ITPR3: variants seen among roughly 807,000 people sequenced by gnomAD.
The protein encoded by ITPR3 is inositol 1,4,5-trisphosphate-gated calcium channel ITPR3.
ITPR3 carries 173 observed loss-of-function variants against 293.2 expected under a neutral mutation model. That is an observed-to-expected ratio of 0.59 (90% CI 0.52 to 0.67). The LOEUF (loss-of-function observed/expected upper bound fraction) is 0.67, where lower values mean the gene tolerates loss of function less well. Among genes scored for constraint, ITPR3 ranks in the 30% least tolerant of loss-of-function variants. The pLI, the probability that ITPR3 is intolerant of heterozygous loss-of-function variation, is 0.00. For missense variants in ITPR3, 2,796 were observed against 3,592.1 expected (o/e 0.78, Z 5.66); for synonymous variants, 1,295 against 1,444.4 (o/e 0.90, Z 2.35).
At position 33,684,868 on chromosome 6, in the gene ITPR3, C is replaced by G; in HGVS notation, c.5232C>G (p.Thr1744=). 6.2e-7 allele frequency: 1 copy of G among 1,614,136 alleles called. No individual in the cohort carries two copies. Among genetic ancestry groups the G allele is most frequent in the Non-Finnish European group, 8.5e-7 (1 of 1,180,018 alleles). The stretch of plus-strand genomic sequence containing the variant: ...TGGTATGCGACCTCATCACCAGCAC[C>G]AAGAACGAGAAGATCTTCCAGGAGA... ...TKLVCDLITS[T]KNEKIFQESI... The change falls in exon 39 of 58, where the codon ACC becomes ACG. Residue 1744 remains threonine, a synonymous_variant. Transcript: ENST00000605930. This position sits in a 1 kb window ranked among gnomAD's most constrained non-coding sequence, Gnocchi z 4.2.
chr6:33,643,569 C>T (rs1004011782), intron 2 of ITPR3, among the ~76,000 whole-genome samples: 1 of 152,208 alleles, frequency 6.6e-6, no homozygotes, highest in African/African-American at 2.4e-5. Context: ...TGCCGTGAGT[C>T]CCGAGCTGCT....
rs41271253 is a variant in ITPR3, at chr6:33,680,094, C to T, written c.4185C>T (p.Asp1395=). 4.6e-3 allele frequency: 7,362 copies of T among 1,613,558 alleles called. 151 individuals are homozygous for T. The African/African-American group carries it at 0.059, about 13-fold the overall frequency. ...GCACCTCCCTGCTGCCGCTGGAGGA[C>T]GTGGTGTCTGTGGTGACGCATGAGG... ...IKCTSLLPLE[D]VVSVVTHEDC... Residue 1395 remains aspartate, a synonymous_variant, in exon 31 of 58, where the codon GAC becomes GAT. Coordinates refer to ENST00000605930, the MANE Select transcript of ITPR3 (RefSeq NM_002224.4).
In ITPR3 at chr6:33,678,830, C is replaced by A. The variant is rs1192918614; in HGVS notation, c.3963C>A (p.Ile1321=). Residue 1321 remains isoleucine, a synonymous_variant, in exon 30 of 58, where the codon ATC becomes ATA. Coordinates refer to ENST00000605930, the MANE Select transcript of ITPR3 (RefSeq NM_002224.4). Reference sequence around the variant, plus strand: ...ACGTCAAGAAGTGCCAGGACATGATCATGACTGAGGTGAGGGCGGGGCTGA... The same window carrying A: ...ACGTCAAGAAGTGCCAGGACATGATAATGACTGAGGTGAGGGCGGGGCTGA... ...GKYVKKCQDM[I]MTELTNAGDD... The A allele has an allele frequency of 2.5e-6, 4 of 1,612,400 alleles. No individual in the cohort carries two copies. The highest frequency in any genetic ancestry group is 1.3e-5 in the African/African-American group (1 of 74,812).
rs1266675797 is a variant in ITPR3, at chr6:33,675,056, T to C, written c.3117-635T>C. On this transcript the variant is annotated intron_variant, in intron 24 of 57. Transcript: ENST00000605930. This position sits in a 1 kb window ranked among gnomAD's most constrained non-coding sequence, Gnocchi z 5.0. ...GGAAAAATAAAGATGTAACATTTTCTCCATCTCTGTTCATGGGCCCCGCTT... is the reference window on the plus strand; with the variant it reads ...GGAAAAATAAAGATGTAACATTTTCCCCATCTCTGTTCATGGGCCCCGCTT... Among the ~76,000 whole-genome samples the C allele has an allele frequency of 6.6e-6, 1 of 152,196 alleles. No individual in the cohort carries two copies. The highest frequency in any genetic ancestry group is 1.5e-5 in the Non-Finnish European group (1 of 68,028).
Position 33,665,821 on chromosome 6 carries a change from G to A in ITPR3, c.1410-14G>A. ...GGTATCTCACACTCGTCATCCCCGG[G>A]TCCCCTCACCCAGGTTTGTCATCCA... On this transcript the variant is annotated splice_polypyrimidine_tract_variant and intron_variant, in intron 13 of 57. Coordinates refer to ENST00000605930, the MANE Select transcript of ITPR3 (RefSeq NM_002224.4). 1.9e-6 allele frequency: 3 copies of A among 1,613,590 alleles called. No individual in the cohort carries two copies. The highest frequency in any genetic ancestry group is 2.5e-6 in the Non-Finnish European group (3 of 1,179,554).
rs907736797 is a variant in ITPR3, at chr6:33,624,637, T to G, written c.89+2946T>G. On this transcript the variant is annotated intron_variant, in intron 1 of 57. Transcript: ENST00000605930. The surrounding 1 kb of genome is among the most constrained non-coding windows in gnomAD (Gnocchi z 4.7). ...TCCCCTCTGCTTTTCCCGAGGCTGTTGGTGCCCATGTCTGTGAACCCATAG... is the reference window on the plus strand; with the variant it reads ...TCCCCTCTGCTTTTCCCGAGGCTGTGGGTGCCCATGTCTGTGAACCCATAG... Among the ~76,000 whole-genome samples, 1 of 152,260 alleles carries G rather than the reference T, an allele frequency of 6.6e-6. No individual in the cohort carries two copies. The highest frequency in any genetic ancestry group is 2.4e-5 in the African/African-American group (1 of 41,472).
chr6:33,688,120 G>A lies in ITPR3; in HGVS notation c.6328G>A (p.Glu2110Lys), dbSNP rs763520343. 299 of 1,614,046 alleles carry A rather than the reference G, an allele frequency of 1.9e-4. No homozygotes were observed. The highest frequency in any genetic ancestry group is 2.4e-4 in the Non-Finnish European group (285 of 1,180,030). ...LKSSAPAQEE[E>K]EDPLAYYENH... ...GTCCTCAGCGCCAGCACAGGAGGAGGAGGAAGACCCCCTGGCCTACTATGA... is the reference window on the plus strand; with the variant it reads ...GTCCTCAGCGCCAGCACAGGAGGAGAAGGAAGACCCCCTGGCCTACTATGA... Residue 2110 changes from glutamate (E) to lysine (K), a missense_variant, in exon 47 of 58, where the codon GAG (glutamate) becomes AAG (lysine). Glu to Lys is a moderately conservative substitution (Grantham distance 56). This residue lies in a region of ITPR3 where 568 missense variants were observed against 796.1 expected (regional missense o/e 0.71). Transcript: ENST00000605930.
At chr6:33,694,834 C>T (rs1250839354) in intron 56 of ITPR3, 90 bp from the exon 57 acceptor site, 14 of 1,510,260 alleles carry the variant, frequency 9.3e-6, no homozygotes, top group Non-Finnish European at 1.3e-5. Flanking sequence ...AAGGGTGTGG[C>T]AGAAGCCTCC....
intron 1 of ITPR3, among the ~76,000 whole-genome samples, chr6:33,631,979 T>A (rs1361495610): frequency 1.3e-5 from 2 of 152,224 alleles, no homozygotes; most frequent in African/African-American, 4.8e-5. Context: ...TGATTGCTAA[T>A]TGTCCATGAT....
rs1331133519 is a variant in ITPR3 at position 33,633,826 on chromosome 6, C to G, written c.90-6658C>G. ...GGCCAGGCTGGGGGCGGGGCGGGCG[C>G]GGGGCGGGCGCGGGGCGGGGCCGGG... On this transcript the variant is annotated intron_variant, in intron 1 of 57. Coordinates refer to ENST00000605930, the MANE Select transcript of ITPR3 (RefSeq NM_002224.4). This position sits in a 1 kb window ranked among gnomAD's most constrained non-coding sequence, Gnocchi z 5.2. Among the ~76,000 whole-genome samples the G allele has an allele frequency of 5.3e-5, 2 of 37,778 alleles. No homozygotes were observed. The highest frequency in any genetic ancestry group is 1.2e-4 in the Non-Finnish European group (2 of 17,266). The allele number at this position is 37,778 out of a possible 152,430, so 24.8% of individuals were successfully genotyped here.
At chr6:33,668,899 G>A (rs1764683876) in intron 17 of ITPR3, 75 bp from the exon 18 acceptor site, 21 of 1,467,842 alleles carry the variant, frequency 1.4e-5, no homozygotes, top group South Asian at 3.7e-5. Context: ...CTGTGTGGCC[G>A]GGTGTGCTCA....
At chr6:33,678,908 G>A in intron 30 of ITPR3, 69 bp downstream of exon 30, 5 of 1,488,524 alleles carry the variant, frequency 3.4e-6, no homozygotes, top group South Asian at 1.2e-5. Context: ...TTGGCGGGAA[G>A]GCCACAGAGT....
At chr6:33,690,400 T>G (rs1369663754) in intron 51 of ITPR3, among the ~76,000 whole-genome samples, 1 of 152,190 alleles carries the variant, frequency 6.6e-6, no homozygotes, top group Non-Finnish European at 1.5e-5. Flanking sequence ...GGTGGCCATC[T>G]GACCCCTTTC....
intron 1 of ITPR3, among the ~76,000 whole-genome samples, chr6:33,637,303 G>C (rs1207811207): frequency 6.6e-6 from 1 of 152,112 alleles, no homozygotes; most frequent in Non-Finnish European, 1.5e-5. Flanking sequence ...CCCTCTTTAT[G>C]TTTAATAATT....
At position 33,674,231 on chromosome 6, in the gene ITPR3, A is replaced by G. The variant is rs1764846283; in HGVS notation, c.3082A>G (p.Ile1028Val). Residue 1028 changes from isoleucine to valine, a missense_variant, in exon 24 of 58, where the codon ATC (isoleucine) becomes GTC (valine). Transcript: ENST00000605930. ...STTANMNLDR[I>V]GEQAEAMFGV... The stretch of plus-strand genomic sequence containing the variant: ...AGCTGCCAACATGAACCTGGATCGC[A>G]TCGGGGAGCAGGCGGAGGCCATGTT... 1 of 1,614,008 alleles carries G rather than the reference A, an allele frequency of 6.2e-7. No individual in the cohort carries two copies. Among genetic ancestry groups the G allele is most frequent in the African/African-American group, 1.3e-5 (1 of 75,032 alleles).
chr6:33,691,888 G>C lies in ITPR3; in HGVS notation c.7418G>C (p.Gly2473Ala). The C allele has an allele frequency of 6.2e-7, 1 of 1,614,178 alleles. No homozygotes were observed. Among genetic ancestry groups the C allele is most frequent in the Non-Finnish European group, 8.5e-7 (1 of 1,180,026 alleles). Residue 2473 changes from glycine to alanine, a missense_variant, in exon 54 of 58, where the codon GGT (glycine) becomes GCT (alanine). By Grantham distance (60) the Gly-to-Ala change is moderately conservative. Coordinates refer to ENST00000605930, the MANE Select transcript of ITPR3 (RefSeq NM_002224.4). This position sits in a 1 kb window ranked among gnomAD's most constrained non-coding sequence, Gnocchi z 4.9. ...GTCATGAACCATGGGCTACGCAACG[G>C]TGGTGGCGTGGGCGACATTCTCCGC... is the stretch of plus-strand genomic sequence containing the variant. ...VTVMNHGLRN[G>A]GGVGDILRKP...
rs191781549 is a variant in ITPR3 at position 33,666,087 on chromosome 6, G to A, written c.1551+111G>A. 4.2e-4 allele frequency: 540 copies of A among 1,296,118 alleles called. 6 individuals carry two copies. In the East Asian group the frequency reaches 0.013, roughly 31 times the overall value. 80.3% of individuals were successfully genotyped at this position (1,296,118 alleles called of 1,614,324 possible). A position where few individuals can be genotyped will look rare whatever the true frequency, so the allele number is the denominator to read the frequency against. On this transcript the variant is annotated intron_variant, in intron 14 of 57. Coordinates refer to ENST00000605930, the MANE Select transcript of ITPR3 (RefSeq NM_002224.4). The surrounding 1 kb of genome is among the most constrained non-coding windows in gnomAD (Gnocchi z 5.1). ...ACAAAAATCAGTATATATGGGGCAC[G>A]ACCACGTGCCAGGGACTTCCCTAAG...
At chr6:33,673,141 A>G (rs945434083) in intron 22 of ITPR3, among the ~76,000 whole-genome samples, 1 of 152,082 alleles carries the variant, frequency 6.6e-6, no homozygotes, top group African/African-American at 2.4e-5. Flanking sequence ...CGTCTGCCCC[A>G]CAGTAGCCTC....
rs1764744956 is a variant in ITPR3 at position 33,670,977 on chromosome 6, A to C, written c.2586+162A>C. ...ACCGCATAGAAGGCTGGGATTCTCC[A>C]AGAGGCAGGCTCCTGTTCCAATGCC... is the stretch of plus-strand genomic sequence containing the variant. On this transcript the variant is annotated intron_variant, in intron 20 of 57. Transcript: ENST00000605930. The surrounding 1 kb of genome is among the most constrained non-coding windows in gnomAD (Gnocchi z 6.7). The C allele has an allele frequency of 1.3e-6, 1 of 787,254 alleles. No individual in the cohort carries two copies. The highest frequency in any genetic ancestry group is 1.3e-4 in the East Asian group (1 of 7,876). The allele number at this position is 787,254 out of a possible 1,614,324, so 48.8% of individuals were successfully genotyped here. A position where few individuals can be genotyped will look rare whatever the true frequency, so the allele number is the denominator to read the frequency against.
Sources: allele counts gnomAD v4.1 joint callset (sites outside exome capture counted in the v4.1 genomes callset), GRCh38; gene constraint gnomAD v4.1.1; regional missense constraint gnomAD v4.1.1; non-coding constraint Gnocchi (gnomAD v3.1); transcripts MANE v1.5; gene names NCBI Gene and HGNC (gene_info 2026-07-23, HGNC 2026-07-21).